Variants in ZDHHC6 observed in about 807,000 individuals in gnomAD.
ZDHHC6 encodes the protein zDHHC palmitoyltransferase 6.
A neutral mutation model predicts 57.8 loss-of-function variants in ZDHHC6; 32 were observed. The ratio of observed to expected loss-of-function variants is 0.55; its 90% CI spans 0.42 to 0.74. The LOEUF (loss-of-function observed/expected upper bound fraction) is 0.74, where lower values mean the gene tolerates loss of function less well. Among genes scored for constraint, ZDHHC6 ranks in the 30% least tolerant of loss-of-function variants. The pLI, the probability that ZDHHC6 is intolerant of heterozygous loss-of-function variation, is 0.00. For missense variants in ZDHHC6, 433 were observed against 500.7 expected, an observed-to-expected ratio of 0.86 and a Z score of 1.29; for synonymous variants, 128 against 158.0, an observed-to-expected ratio of 0.81 and a Z score of 1.42.
At chr10:112,427,117 T>C (rs1195537486), downstream of ZDHHC6, 18 of 1,261,102 alleles carry the variant, frequency 1.4e-5, no homozygotes, top group Non-Finnish European at 2.0e-5. Flanking sequence ...CCTTTACCCT[T>C]TCACTGCATC....
At chr10:112,432,144 G>A in intron 10 of ZDHHC6, 96 bp downstream of exon 10, 2 of 1,198,188 alleles carry the variant, frequency 1.7e-6, no homozygotes, top group Non-Finnish European at 2.3e-6. Context: ...TTCCCCTAAT[G>A]CATTAGGCAT....
At chr10:112,438,207 G>A in intron 6 of ZDHHC6, 129 bp downstream of exon 6, 2 of 598,928 alleles carry the variant, frequency 3.3e-6, no homozygotes, top group Non-Finnish European at 5.0e-6. Flanking sequence ...CCATTTGGCA[G>A]CCATGTTTTC....
At chr10:112,441,060 G>C (rs1420525676) in intron 4 of ZDHHC6, among the ~76,000 whole-genome samples, 1 of 152,090 alleles carries the variant, frequency 6.6e-6, no homozygotes, top group South Asian at 2.1e-4. Flanking sequence ...TGGCCAGGCT[G>C]GTCTTGAACT....
chr10:112,437,017 T>A (rs554817480), intron 6 of ZDHHC6, among the ~76,000 whole-genome samples: 23 of 152,286 alleles, frequency 1.5e-4, no homozygotes, highest in African/African-American at 4.6e-4. Flanking sequence ...ACTAAGGTTA[T>A]TCAGACTTCA....
chr10:112,443,939 A>T (rs992072217), intron 2 of ZDHHC6, among the ~76,000 whole-genome samples: 1 of 152,118 alleles, frequency 6.6e-6, no homozygotes, highest in African/African-American at 2.4e-5. Flanking sequence ...TAGAGTGAGG[A>T]GTTAATCGTG....
intron 2 of ZDHHC6, 121 bp from the exon 3 acceptor site, chr10:112,443,727 A>C: frequency 1.4e-6 from 1 of 697,706 alleles, no homozygotes; most frequent in Non-Finnish European, 2.4e-6. Flanking sequence ...TTGCATTTCC[A>C]GTCCTCTTAT....
At chr10:112,426,098 T>TA (rs1844688190), downstream of ZDHHC6, among the ~76,000 whole-genome samples, 1 of 152,108 alleles carries the variant, frequency 6.6e-6, no homozygotes, top group South Asian at 2.1e-4. Flanking sequence ...TACAGTTCCA[T>TA]GGTGTTGAAA....
At chr10:112,426,425 C>T, downstream of ZDHHC6, 16 of 1,345,020 alleles carry the variant, frequency 1.2e-5, no homozygotes, top group Non-Finnish European at 1.7e-5. Context: ...GGATGCCTCA[C>T]CAGTTCCTGC....
chr10:112,426,332 C>T (rs980672867), downstream of ZDHHC6: 4 of 1,613,964 alleles, frequency 2.5e-6, no homozygotes, highest in African/African-American at 4.0e-5. Flanking sequence ...GGGTGAAGGG[C>T]TCCTTTGAGG....
upstream of ZDHHC6, chr10:112,447,027 G>A (rs978184660): frequency 1.0e-4 from 28 of 280,656 alleles, no homozygotes; most frequent in African/African-American, 5.7e-4. Context: ...ATCCGGAGCC[G>A]ATTCCCAGAA....
chr10:112,440,451 C>T, intron 5 of ZDHHC6, 83 bp downstream of exon 5: 1 of 1,427,466 alleles, frequency 7.0e-7, no homozygotes, highest in African/African-American at 1.4e-5. Flanking sequence ...ATACTGGACA[C>T]TTAAATACAG....
At position 112,430,714 on chromosome 10, in the gene ZDHHC6, C is replaced by A. The variant is rs1006630646; in HGVS notation, c.*90G>T. 7 of 1,099,576 alleles carry A rather than the reference C, an allele frequency of 6.4e-6. No homozygotes were observed. In the East Asian group the frequency reaches 1.8e-4, roughly 28 times the overall value. 68.1% of individuals were successfully genotyped at this position (1,099,576 alleles called of 1,614,324 possible). On this transcript the variant is annotated 3_prime_UTR_variant, in exon 11 of 11. Transcript: ENST00000369405. ...CCTTTGAGGAAAAGAACATCTTAAC[C>A]AGAGTAGGCTCATTGCATAATTCTT...
intron 4 of ZDHHC6, 63 bp from the exon 5 acceptor site, chr10:112,440,758 T>C (rs1192971573): frequency 2.0e-6 from 3 of 1,475,828 alleles, no homozygotes; most frequent in Non-Finnish European, 2.7e-6. Context: ...CAGACTCTAC[T>C]GTGACACGTA....
In ZDHHC6 at chr10:112,430,684, G is replaced by A; in HGVS notation, c.*120C>T. 1.3e-6 allele frequency: 1 copy of A among 748,558 alleles called. No individual in the cohort carries two copies. The highest frequency in any genetic ancestry group is 2.0e-6 in the Non-Finnish European group (1 of 493,558). 46.4% of individuals were successfully genotyped at this position (748,558 alleles called of 1,614,324 possible). A position where few individuals can be genotyped will look rare whatever the true frequency, so the allele number is the denominator to read the frequency against. On this transcript the variant is annotated 3_prime_UTR_variant, in exon 11 of 11. Coordinates refer to ENST00000369405, the MANE Select transcript of ZDHHC6 (RefSeq NM_022494.3). ...TAAAAATATTTAAATCATGGCACTAGGGCACCTTTGAGGAAAAGAACATCT... is the reference window on the plus strand; with the variant it reads ...TAAAAATATTTAAATCATGGCACTAAGGCACCTTTGAGGAAAAGAACATCT...
downstream of ZDHHC6, chr10:112,426,289 C>G: frequency 6.2e-7 from 1 of 1,614,158 alleles, no homozygotes; most frequent in Non-Finnish European, 8.5e-7. Flanking sequence ...GTTCCTGACA[C>G]AGATGTACTT....
downstream of ZDHHC6, chr10:112,426,187 T>C (rs767544852): frequency 2.5e-6 from 3 of 1,216,094 alleles, no homozygotes; most frequent in Non-Finnish European, 3.6e-6. Flanking sequence ...AATTCTGCTT[T>C]ATTTAACTAC....
exon 12 of ZDHHC6, chr10:112,425,273 C>A: frequency 1.4e-6 from 2 of 1,400,322 alleles, no homozygotes; most frequent in East Asian, 2.5e-5. Flanking sequence ...GTGACTTCAC[C>A]ACTCTCCCCA....
intron 3 of ZDHHC6, 75 bp downstream of exon 3, chr10:112,443,440 A>C: frequency 3.9e-6 from 5 of 1,273,296 alleles, no homozygotes; most frequent in Middle Eastern, 1.9e-4. Context: ...AGTAGCACTA[A>C]TGTAGTATAA....
intron 10 of ZDHHC6, among the ~76,000 whole-genome samples, chr10:112,431,376 C>T (rs1193649336): frequency 1.3e-5 from 2 of 151,584 alleles, no homozygotes; most frequent in African/African-American, 2.4e-5. Flanking sequence ...TGCAGTGGCA[C>T]GATCTCAGAT....
Sources: gnomAD v4.1 joint callset for allele counts (sites outside exome capture counted in the v4.1 genomes callset) on GRCh38, gnomAD v4.1.1 for gene constraint, MANE v1.5 for transcripts, NCBI Gene and HGNC (gene_info 2026-07-23, HGNC 2026-07-21) for gene names.